SNRPN: variants seen among roughly 807,000 people sequenced by gnomAD.
SNRPN encodes small nuclear ribonucleoprotein-associated protein N.
In SNRPN, 7 loss-of-function variants were observed where a neutral mutation model predicts 25.2. The observed-to-expected ratio is 0.28, with a 90% CI of 0.16 to 0.52. SNRPN has a LOEUF of 0.52. Among genes scored for constraint, SNRPN ranks in the 20% least tolerant of loss-of-function variants. The pLI is 0.96. For missense variants in SNRPN, 196 were observed against 322.5 expected, an observed-to-expected ratio of 0.61 and a Z score of 3.00; for synonymous variants, 124 against 110.6, an observed-to-expected ratio of 1.12 and a Z score of -0.76.
At chr15:24,874,031 G>T (rs572087187) in intron 1 of SNRPN, among the ~76,000 whole-genome samples, 1 of 148,708 alleles carries the variant, frequency 6.7e-6, no homozygotes, top group African/African-American at 2.5e-5. Flanking sequence ...AAAAAAAAAG[G>T]CTGCCCGCTG....
chr15:24,955,045 C>T lies in SNRPN; in HGVS notation c.-408C>T, dbSNP rs148206963. 5.3e-5 allele frequency: 86 copies of T among 1,613,258 alleles called. No individual in the cohort carries two copies. Among genetic ancestry groups the T allele is most frequent in the Non-Finnish European group, 7.2e-5 (85 of 1,179,998 alleles). The stretch of plus-strand genomic sequence containing the variant: ...CATCTGTCTGAGGAGCGGTCAGTGA[C>T]GCGATGGAGCGGGCAAGGTCAGCTG... On this transcript the variant is annotated 5_prime_UTR_variant, in exon 1 of 10. It adds an upstream start codon to the 5' untranslated region. Coordinates refer to ENST00000390687, the MANE Select transcript of SNRPN (RefSeq NM_003097.6).
rs113183574 is a variant in SNRPN, at chr15:24,888,112, C to CTTTT, written c.-505+1534_-505+1537dup. ...AAAATGACAAATATATTAGAAATGA[C>CTTTT]TTTTTTTTTTTTTTGAGATGTAGTC... On this transcript the variant is annotated intron_variant, in intron 2 of 11. Coordinates refer to the SNRPN transcript ENST00000400097. Among the ~76,000 whole-genome samples the CTTTT allele has an allele frequency of 7.1e-5, 10 of 139,900 alleles. 1 individual carries two copies. Among genetic ancestry groups the CTTTT allele is most frequent in the African/African-American group, 1.6e-4 (6 of 38,476 alleles). The allele number at this position is 139,900 out of a possible 152,430, so 91.8% of individuals were successfully genotyped here.
intron 1 of SNRPN, among the ~76,000 whole-genome samples, chr15:24,872,871 C>CAAA (rs202062268): frequency 1.0e-4 from 6 of 59,310 alleles, no homozygotes; most frequent in East Asian, 3.9e-4. Context: ...GACTCCGTCT[C>CAAA]AAAAAAAAAA....
chr15:24,872,315 C>A lies in SNRPN; in HGVS notation c.-578-14201C>A, dbSNP rs1463797517. 4.3e-5 allele frequency among the ~76,000 whole-genome samples: 5 copies of A among 117,516 alleles called. 2 individuals carry two copies. The highest frequency in any genetic ancestry group is 3.8e-5 in the Non-Finnish European group (2 of 53,260). 77.1% of individuals were successfully genotyped at this position (117,516 alleles called of 152,430 possible). ...CCCAAGAGGCTAGGATTACAGGTGCCTGCCACCACACTAGGCTAATTTTGT... is the reference window on the plus strand; with the variant it reads ...CCCAAGAGGCTAGGATTACAGGTGCATGCCACCACACTAGGCTAATTTTGT... On this transcript the variant is annotated intron_variant, in intron 1 of 11. Coordinates refer to the SNRPN transcript ENST00000400097.
intron 1 of SNRPN, among the ~76,000 whole-genome samples, chr15:24,861,568 T>C (rs2053983804): frequency 1.3e-5 from 2 of 152,310 alleles, no homozygotes; most frequent in Middle Eastern, 3.4e-3. Context: ...AGAAACACTG[T>C]AAACTAAGGC....
At chr15:24,965,704 C>A (rs2075518307) in intron 2 of SNRPN, among the ~76,000 whole-genome samples, 1 of 152,090 alleles carries the variant, frequency 6.6e-6, no homozygotes, top group Admixed American at 6.6e-5. Context: ...ATATTTTATG[C>A]TAAGCTTCAC....
intron 3 of SNRPN, among the ~76,000 whole-genome samples, chr15:24,940,905 T>G (rs1211835782): frequency 6.6e-6 from 1 of 152,118 alleles, no homozygotes; most frequent in East Asian, 1.9e-4. Context: ...AGAGTTGCGG[T>G]GTTAAGTGTT....
intron 1 of SNRPN, among the ~76,000 whole-genome samples, chr15:24,882,785 C>A (rs1345053631): frequency 7.4e-6 from 1 of 135,366 alleles, no homozygotes; most frequent in East Asian, 2.5e-4. Flanking sequence ...GATCATACCA[C>A]TGCACTCCAG....
chr15:24,912,786 G>T (rs545106984), intron 2 of SNRPN, among the ~76,000 whole-genome samples: 1 of 152,102 alleles, frequency 6.6e-6, no homozygotes, highest in Non-Finnish European at 1.5e-5. Flanking sequence ...CATAGTCATG[G>T]CTCCTCCACA....
intron 3 of SNRPN, among the ~76,000 whole-genome samples, chr15:24,933,129 C>T (rs113809895): frequency 3.5e-4 from 54 of 152,164 alleles, no homozygotes; most frequent in Middle Eastern, 6.8e-3. Context: ...CTTGGAGGTG[C>T]GTGCTGATAG....
intron 2 of SNRPN, chr15:24,850,945 G>T (rs1412845417): frequency 1.3e-5 from 2 of 151,770 alleles, no homozygotes; most frequent in Non-Finnish European, 2.9e-5. Flanking sequence ...TTTTGAAACA[G>T]GGTCTTATTT....
At chr15:24,956,706 G>A (rs961782666) in intron 1 of SNRPN, among the ~76,000 whole-genome samples, 3 of 152,214 alleles carry the variant, frequency 2.0e-5, no homozygotes, top group African/African-American at 7.2e-5. Context: ...GTAGAGGGGG[G>A]AGGAGGGAGA....
chr15:24,968,020 A>T lies in SNRPN; in HGVS notation c.-206A>T. On this transcript the variant is annotated 5_prime_UTR_variant, in exon 3 of 10. Coordinates refer to ENST00000390687, the MANE Select transcript of SNRPN (RefSeq NM_003097.6). ...ACTGAGGCAGGCATTCTTAGCTGAG[A>T]CACCAAGAGGTGGTTAAAGCCATAT... 6.2e-7 allele frequency: 1 copy of T among 1,614,078 alleles called. No individual in the cohort carries two copies. Among genetic ancestry groups the T allele is most frequent in the Non-Finnish European group, 8.5e-7 (1 of 1,179,988 alleles).
chr15:24,930,040 C>A lies in SNRPN; in HGVS notation c.-391+9916C>A, dbSNP rs550101511. On this transcript the variant is annotated intron_variant, in intron 3 of 11. Transcript: ENST00000400097. Reference sequence around the variant, plus strand: ...GTCTCCACCAAAAATACAAAAAATTCTCTGGGCGTGGTGGCAGGTGCCTGT... The same window carrying A: ...GTCTCCACCAAAAATACAAAAAATTATCTGGGCGTGGTGGCAGGTGCCTGT... Among the ~76,000 whole-genome samples, 47 of 151,990 alleles carry A rather than the reference C, an allele frequency of 3.1e-4. 1 individual carries two copies. Among genetic ancestry groups the A allele is most frequent in the Non-Finnish European group, 5.6e-4 (38 of 67,970 alleles).
rs2061189762 is a variant in SNRPN, at chr15:24,935,819, G to A, written c.-391+15695G>A. Among the ~76,000 whole-genome samples the A allele has an allele frequency of 3.3e-5, 5 of 152,088 alleles. No individual in the cohort carries two copies. The South Asian group carries it at 8.3e-4, about 25-fold the overall frequency. ...TGCTCACTCTTTGGGGCCAGACAGA[G>A]AAGAATTAAAAATCATGGGCTGGGT... On this transcript the variant is annotated intron_variant, in intron 3 of 11. Transcript: ENST00000400097.
intron 3 of SNRPN, among the ~76,000 whole-genome samples, chr15:24,927,364 C>T (rs2060453492): frequency 1.3e-5 from 2 of 152,054 alleles, no homozygotes; most frequent in East Asian, 1.9e-4. Flanking sequence ...TCAAGTGATC[C>T]TCCCACCTTG....
intron 4 of SNRPN, chr15:24,974,998 AG>A (rs2076902778): frequency 1.4e-6 from 1 of 702,776 alleles, no homozygotes; most frequent in Non-Finnish European, 2.6e-6. Context: ...TGAAAATGGA[AG>A]GGTTTTGGCA....
At chr15:24,971,524 T>C (rs2076403110) in intron 3 of SNRPN, among the ~76,000 whole-genome samples, 1 of 151,496 alleles carries the variant, frequency 6.6e-6, no homozygotes, top group South Asian at 2.1e-4. Flanking sequence ...CTATACAGGT[T>C]ATTATTATAT....
chr15:24,854,936 A>G (rs1382758326), upstream of SNRPN, among the ~76,000 whole-genome samples: 1 of 151,908 alleles, frequency 6.6e-6, no homozygotes, highest in Non-Finnish European at 1.5e-5. Context: ...CTTGGGAAGC[A>G]GAGGTTGCAG....
Sources: allele counts gnomAD v4.1 joint callset (sites outside exome capture counted in the v4.1 genomes callset), GRCh38; gene constraint gnomAD v4.1.1; transcripts MANE v1.5; gene names NCBI Gene and HGNC (gene_info 2026-07-23, HGNC 2026-07-21).